EXOC6B: variants seen among roughly 807,000 people sequenced by gnomAD.
EXOC6B encodes the protein exocyst complex component 6B.
Under a neutral mutation model 113.5 loss-of-function variants are expected in EXOC6B, and 54 were observed. The observed-to-expected ratio is 0.48, with a 90% confidence interval of 0.38 to 0.60. The LOEUF is 0.60. EXOC6B is among the 20% of genes least tolerant of loss of function. The pLI, the probability that EXOC6B is intolerant of heterozygous loss-of-function variation, is 0.00. For missense variants in EXOC6B, 797 were observed against 977.5 expected, an observed-to-expected ratio of 0.82 and a Z score of 2.46; for synonymous variants, 357 against 339.0, an observed-to-expected ratio of 1.05 and a Z score of -0.58.
chr2:72,661,523 C>T (rs1363016409), intron 6 of EXOC6B, among the ~76,000 whole-genome samples: 1 of 151,898 alleles, frequency 6.6e-6, no homozygotes, highest in African/African-American at 2.4e-5. Context: ...TTTATAACAG[C>T]TCAAAAAATA....
intron 20 of EXOC6B, among the ~76,000 whole-genome samples, chr2:72,317,817 A>T (rs995222600): frequency 1.3e-5 from 2 of 152,246 alleles, no homozygotes; most frequent in African/African-American, 4.8e-5. Flanking sequence ...AAGACACTAA[A>T]TACTAAAGAC....
intron 18 of EXOC6B, among the ~76,000 whole-genome samples, chr2:72,393,444 A>T (rs1449254769): frequency 6.6e-6 from 1 of 151,952 alleles, no homozygotes; most frequent in East Asian, 1.9e-4. Flanking sequence ...CCTCTTTGGT[A>T]TCCTGCTTAT....
At chr2:72,338,026 T>C (rs1688790890) in intron 19 of EXOC6B, among the ~76,000 whole-genome samples, 1 of 152,098 alleles carries the variant, frequency 6.6e-6, no homozygotes, top group Admixed American at 6.6e-5. Flanking sequence ...TAAACAGGCT[T>C]TAGGAATTCA....
chr2:72,267,466 A>G (rs1684198345), intron 20 of EXOC6B, among the ~76,000 whole-genome samples: 1 of 152,182 alleles, frequency 6.6e-6, no homozygotes, highest in Admixed American at 6.5e-5. Context: ...TTTAGCATGA[A>G]GGTTGTTGAA....
chr2:72,414,660 TAGTC>T (rs747713813), intron 18 of EXOC6B, among the ~76,000 whole-genome samples: 1 of 152,226 alleles, frequency 6.6e-6, no homozygotes, highest in Non-Finnish European at 1.5e-5. Context: ...TAGCTTTGCT[TAGTC>T]ATTTTTTGGT....
chr2:72,266,372 G>T (rs1329370372), intron 20 of EXOC6B, among the ~76,000 whole-genome samples: 1 of 148,864 alleles, frequency 6.7e-6, no homozygotes, highest in Non-Finnish European at 1.5e-5. Context: ...TTCTTCTAGG[G>T]TTTTTATGGT....
At chr2:72,583,970 C>G (rs912061929) in intron 6 of EXOC6B, among the ~76,000 whole-genome samples, 1 of 152,110 alleles carries the variant, frequency 6.6e-6, no homozygotes, top group African/African-American at 2.4e-5. Flanking sequence ...GATCTGCCTC[C>G]CTTGGCCTCC....
At chr2:72,646,710 T>C (rs1673746203) in intron 6 of EXOC6B, among the ~76,000 whole-genome samples, 2 of 152,182 alleles carry the variant, frequency 1.3e-5, no homozygotes, top group Non-Finnish European at 2.9e-5. Flanking sequence ...CACATGATTA[T>C]CTCAATAGAT....
At chr2:72,311,596 A>C (rs1414388845) in intron 20 of EXOC6B, among the ~76,000 whole-genome samples, 1 of 152,176 alleles carries the variant, frequency 6.6e-6, no homozygotes, top group Admixed American at 6.5e-5. Context: ...GGATAATCTT[A>C]CCATCTCAAG....
intron 8 of EXOC6B, among the ~76,000 whole-genome samples, chr2:72,541,337 G>A (rs552687354): frequency 6.6e-6 from 1 of 152,072 alleles, no homozygotes; most frequent in African/African-American, 2.4e-5. Flanking sequence ...ATGTGAAAAA[G>A]GACTAATACA....
At chr2:72,268,583 T>A (rs1196601929) in intron 20 of EXOC6B, among the ~76,000 whole-genome samples, 1 of 152,148 alleles carries the variant, frequency 6.6e-6, no homozygotes, top group Non-Finnish European at 1.5e-5. Context: ...ATCGTTTGGA[T>A]GTGTATCCCC....
intron 1 of EXOC6B, among the ~76,000 whole-genome samples, chr2:72,762,242 CAAA>C (rs557776288): frequency 8.2e-5 from 5 of 61,214 alleles, no homozygotes; most frequent in Non-Finnish European, 6.6e-5. Context: ...GACTCCGTCT[CAAA>C]AAAAAAAAAA....
At chr2:72,407,393 C>G (rs1693851173) in intron 18 of EXOC6B, among the ~76,000 whole-genome samples, 1 of 152,168 alleles carries the variant, frequency 6.6e-6, no homozygotes, top group Non-Finnish European at 1.5e-5. Flanking sequence ...GATACTAAAG[C>G]CTGGCAGAGA....
chr2:72,281,203 C>T (rs6729863), intron 20 of EXOC6B, among the ~76,000 whole-genome samples: 55,201 of 152,030 alleles, frequency 0.36, 12,968 homozygotes, highest in African/African-American at 0.67. Flanking sequence ...CTACAAAGTT[C>T]CTGAATGTAT....
intron 17 of EXOC6B, among the ~76,000 whole-genome samples, chr2:72,479,186 CTTA>C (rs553957269): frequency 2.5e-3 from 377 of 152,140 alleles, no homozygotes; most frequent in African/African-American, 7.4e-3. Context: ...TTTAACTAAT[CTTA>C]TTATCATTTT....
intron 20 of EXOC6B, among the ~76,000 whole-genome samples, chr2:72,266,616 C>G (rs1185786554): frequency 1.3e-5 from 2 of 151,966 alleles, no homozygotes; most frequent in African/African-American, 4.8e-5. Context: ...TGATCTATAT[C>G]TCTGTTTTGG....
chr2:72,465,461 C>T lies in EXOC6B; in HGVS notation c.1801-122G>A. On this transcript the variant is annotated intron_variant, in intron 17 of 21. Transcript: ENST00000272427. ...TGGGAATATAACTGGGAATACTGAG[C>T]CATACATATCACAGTCTTCTTTAAT... 3 of 693,244 alleles carry T rather than the reference C, an allele frequency of 4.3e-6. No homozygotes were observed. The South Asian group carries it at 6.5e-5, about 15-fold the overall frequency. 42.9% of individuals were successfully genotyped at this position (693,244 alleles called of 1,614,324 possible).
intron 6 of EXOC6B, among the ~76,000 whole-genome samples, chr2:72,615,042 C>A (rs903543836): frequency 1.3e-5 from 2 of 151,848 alleles, no homozygotes; most frequent in African/African-American, 4.8e-5. Context: ...TGGTGCAGAG[C>A]AGAACAAAAT....
At chr2:72,663,470 C>A (rs938256133) in intron 6 of EXOC6B, among the ~76,000 whole-genome samples, 1 of 152,134 alleles carries the variant, frequency 6.6e-6, no homozygotes, top group Non-Finnish European at 1.5e-5. Context: ...CTTGAAGAAG[C>A]TTGAAAATTA....
Sources: gnomAD v4.1 joint callset for allele counts (sites outside exome capture counted in the v4.1 genomes callset) on GRCh38, gnomAD v4.1.1 for gene constraint, MANE v1.5 for transcripts, NCBI Gene and HGNC (gene_info 2026-07-23, HGNC 2026-07-21) for gene names.